The following LYST variants were observed in gnomAD, a reference collection of about 807,000 sequenced individuals.
The protein encoded by LYST is lysosomal-trafficking regulator.
A neutral mutation model predicts 413.6 loss-of-function variants in LYST; 192 were observed. The observed-to-expected ratio is 0.46, with a 90% CI of 0.41 to 0.52. LYST has a LOEUF of 0.52. Among genes scored for constraint, LYST ranks in the 20% least tolerant of loss-of-function variants. The probability of loss-of-function intolerance (pLI) is 0.00; values close to 1 mark genes in which losing one functional copy is unlikely to be tolerated. For missense variants in LYST, 3,815 were observed against 4,499.9 expected, an observed-to-expected ratio of 0.85 and a Z score of 4.35; for synonymous variants, 1,525 against 1,567.3, an observed-to-expected ratio of 0.97 and a Z score of 0.64.
chr1:235,669,748 A>G (rs1297514166), intron 50 of LYST, among the ~76,000 whole-genome samples: 1 of 152,108 alleles, frequency 6.6e-6, no homozygotes, highest in African/African-American at 2.4e-5. Context: ...CCACTTCCAC[A>G]CTGCCGAGTG....
intron 1 of LYST, among the ~76,000 whole-genome samples, chr1:235,861,042 G>A (rs536437325): frequency 1.4e-4 from 22 of 151,878 alleles, no homozygotes; most frequent in African/African-American, 5.3e-4. Context: ...TTCATTCCTT[G>A]TTATTGCTAA....
Position 235,830,288 on chromosome 1 carries a change from G to C in LYST, c.130C>G (p.Gln44Glu). 6.2e-7 allele frequency: 1 copy of C among 1,614,070 alleles called. No individual in the cohort carries two copies. Among genetic ancestry groups the C allele is most frequent in the Non-Finnish European group, 8.5e-7 (1 of 1,179,952 alleles). The change falls in exon 3 of 53, where the codon CAG (glutamine) becomes GAG (glutamate). Residue 44 changes from glutamine (Q) to glutamate (E), a missense_variant. Physicochemically the swap from Gln to Glu is conservative, Grantham distance 29. Coordinates refer to ENST00000389793, the MANE Select transcript of LYST (RefSeq NM_000081.4). Reference protein sequence around the residue: ...EEETHMATLGQYLVHGRGFLL... With the variant: ...EEETHMATLGEYLVHGRGFLL... ...AATCCTCGACCATGGACAAGGTACTGTCCAAGGGTTGCCATGTGCGTCTCC... is the reference window on the plus strand; with the variant it reads ...AATCCTCGACCATGGACAAGGTACTCTCCAAGGGTTGCCATGTGCGTCTCC...
intron 5 of LYST, among the ~76,000 whole-genome samples, chr1:235,807,749 C>T (rs201246652): frequency 1.3e-5 from 2 of 152,260 alleles, no homozygotes; most frequent in East Asian, 3.9e-4. Context: ...GGAAAACTCA[C>T]TGATAGGATT....
At chr1:235,770,785 TC>T (rs1668585602) in intron 19 of LYST, among the ~76,000 whole-genome samples, 1 of 152,216 alleles carries the variant, frequency 6.6e-6, no homozygotes, top group Non-Finnish European at 1.5e-5. Context: ...TAATTTACTT[TC>T]AAGTTCAAAT....
At chr1:235,694,343 G>A (rs998413230) in intron 46 of LYST, among the ~76,000 whole-genome samples, 3 of 152,000 alleles carry the variant, frequency 2.0e-5, no homozygotes, top group South Asian at 2.1e-4. Context: ...ATAGTATGAT[G>A]TTCTCTTGGC....
intron 34 of LYST, among the ~76,000 whole-genome samples, chr1:235,731,556 ATTTTTTTTTT>A (rs61633038): frequency 8.2e-6 from 1 of 121,462 alleles, no homozygotes. Flanking sequence ...CCCATTTTGC[ATTTTTTTTTT>A]TTTTTTTTTT....
At chr1:235,776,983 G>A (rs1219451255) in intron 17 of LYST, 80 bp downstream of exon 17, 20 of 1,271,274 alleles carry the variant, frequency 1.6e-5, no homozygotes, top group Non-Finnish European at 2.2e-5. Flanking sequence ...TTTTTCGTGT[G>A]GTCCAAAAGA....
rs543224011 is a variant in LYST at position 235,857,477 on chromosome 1, T to C, written c.-98+9366A>G. Among the ~76,000 whole-genome samples the C allele has an allele frequency of 5.3e-5, 8 of 151,708 alleles. No homozygotes were observed. The East Asian group carries it at 1.6e-3, about 29-fold the overall frequency. ...CATTCAGAAGTCATTAACATATAGGTGGTATATGAAAGCTTAGAAATAGAT... is the reference window on the plus strand; with the variant it reads ...CATTCAGAAGTCATTAACATATAGGCGGTATATGAAAGCTTAGAAATAGAT... On this transcript the variant is annotated intron_variant, in intron 1 of 52. Transcript: ENST00000389793.
In LYST at chr1:235,805,944, T is replaced by C. The variant is rs746803650; in HGVS notation, c.3192A>G (p.Lys1064=). The part of the protein sequence containing the change: ...SLKKSADSLG[K]LELQHISSIN... ...TGGAAGAAATATGCTGTAACTCTAA[T>C]TTACCTAAACTGTCAGCACTCTTTT... The change falls in exon 6 of 53, where the codon AAA becomes AAG. Residue 1064 remains lysine, a synonymous_variant. Transcript: ENST00000389793. 1.9e-6 allele frequency: 3 copies of C among 1,613,782 alleles called. No homozygotes were observed. The South Asian group carries it at 3.3e-5, about 18-fold the overall frequency.
At chr1:235,773,737 A>C in intron 19 of LYST, 105 bp downstream of exon 19, 1 of 863,602 alleles carries the variant, frequency 1.2e-6, no homozygotes, top group African/African-American at 1.7e-5. Context: ...CTGTAAATGC[A>C]CTTAATGCCA....
intron 31 of LYST, chr1:235,737,915 G>GATT: frequency 8.6e-7 from 1 of 1,160,568 alleles, no homozygotes; most frequent in South Asian, 3.9e-5. Context: ...CGCTGCCGAC[G>GATT]AGTCTGGATC....
At chr1:235,804,471 C>A in intron 7 of LYST, 33 bp downstream of exon 7, 1 of 1,580,866 alleles carries the variant, frequency 6.3e-7, no homozygotes, top group Non-Finnish European at 8.7e-7. Context: ...CTGGTCATAC[C>A]CAAAGAACAC....
chr1:235,748,354 T>C (rs114505513), intron 28 of LYST, among the ~76,000 whole-genome samples: 7 of 152,254 alleles, frequency 4.6e-5, no homozygotes, highest in African/African-American at 1.7e-4. Context: ...TAAAAGTATA[T>C]ATTGCTACCT....
intron 50 of LYST, among the ~76,000 whole-genome samples, chr1:235,666,607 TACACACAC>T (rs10635511): frequency 7.1e-5 from 10 of 141,362 alleles, no homozygotes; most frequent in Non-Finnish European, 1.1e-4. Context: ...CACACACACA[TACACACAC>T]ACACACACAC....
intron 1 of LYST, among the ~76,000 whole-genome samples, chr1:235,864,058 C>A (rs1175501370): frequency 6.6e-6 from 1 of 152,120 alleles, no homozygotes; most frequent in African/African-American, 2.4e-5. Context: ...CCCGTTAGGT[C>A]GGCTTAGCCA....
chr1:235,664,679 T>C lies in LYST; in HGVS notation c.11039-58A>G. 1 of 1,591,574 alleles carries C rather than the reference T, an allele frequency of 6.3e-7. No individual in the cohort carries two copies. ...GAATGTGGCTGTCTCAGAGCCCACA[T>C]TTGGCCCCAGAAGGGCAACCCTGAA... On this transcript the variant is annotated intron_variant, in intron 50 of 52. Transcript: ENST00000389793. This position sits in a 1 kb window ranked among gnomAD's most constrained non-coding sequence, Gnocchi z 4.5.
intron 25 of LYST, among the ~76,000 whole-genome samples, chr1:235,755,038 C>G (rs1214395070): frequency 7.6e-6 from 1 of 130,908 alleles, no homozygotes; most frequent in Non-Finnish European, 1.5e-5. Flanking sequence ...ATGACTGTGT[C>G]TCTCTGCACT....
intron 3 of LYST, among the ~76,000 whole-genome samples, chr1:235,824,446 G>C (rs1675105466): frequency 6.6e-6 from 1 of 152,140 alleles, no homozygotes; most frequent in African/African-American, 2.4e-5. Flanking sequence ...GATCCCTTAA[G>C]TCATCCAGCT....
intron 37 of LYST, among the ~76,000 whole-genome samples, chr1:235,728,509 GAAGTC>G (rs1664093987): frequency 6.6e-6 from 1 of 152,054 alleles, no homozygotes; most frequent in African/African-American, 2.4e-5. Context: ...CACACTAATT[GAAGTC>G]AAGTGGTAAA....
Sources: allele counts gnomAD v4.1 joint callset (sites outside exome capture counted in the v4.1 genomes callset), GRCh38; gene constraint gnomAD v4.1.1; non-coding constraint Gnocchi (gnomAD v3.1); transcripts MANE v1.5; gene names NCBI Gene and HGNC (gene_info 2026-07-23, HGNC 2026-07-21).